CCSER1: variants seen among roughly 807,000 people sequenced by gnomAD.
CCSER1 encodes serine-rich coiled-coil domain-containing protein 1.
In CCSER1, 41 loss-of-function variants were observed where a neutral mutation model predicts 82.0. The observed-to-expected ratio is 0.50, with a 90% confidence interval of 0.39 to 0.65. The LOEUF (loss-of-function observed/expected upper bound fraction) is 0.65. Among genes scored for constraint, CCSER1 ranks in the 30% least tolerant of loss-of-function variants. The probability of loss-of-function intolerance (pLI) is 0.00; values close to 1 mark genes in which losing one functional copy is unlikely to be tolerated. For synonymous variants in CCSER1, 414 were observed against 383.9 expected (o/e 1.08, Z -0.92); for missense variants, 1,119 against 1,064.2 (o/e 1.05, Z -0.72).
At chr4:90,878,918 C>G (rs952203959) in intron 8 of CCSER1, among the ~76,000 whole-genome samples, 3 of 152,284 alleles carry the variant, frequency 2.0e-5, no homozygotes, top group African/African-American at 2.4e-5. Context: ...TACCAAACAG[C>G]TATCCACTAT....
chr4:90,594,400 T>C (rs1783066803), intron 5 of CCSER1, among the ~76,000 whole-genome samples: 1 of 152,078 alleles, frequency 6.6e-6, no homozygotes, highest in South Asian at 2.1e-4. Context: ...TGTATATAAA[T>C]ATGTAGGGAA....
chr4:91,474,363 T>C (rs1276142204), intron 10 of CCSER1, among the ~76,000 whole-genome samples: 3 of 151,954 alleles, frequency 2.0e-5, no homozygotes, highest in Non-Finnish European at 2.9e-5. Context: ...TTTCTTATAT[T>C]GTGTTACAAT....
chr4:90,220,743 C>T (rs1741997886), intron 1 of CCSER1, among the ~76,000 whole-genome samples: 1 of 152,182 alleles, frequency 6.6e-6, no homozygotes, highest in South Asian at 2.1e-4. Flanking sequence ...TCTGTAAGAA[C>T]CAGCTAGAGC....
chr4:90,263,984 GC>G (rs1413451113), intron 1 of CCSER1, among the ~76,000 whole-genome samples: 1 of 152,108 alleles, frequency 6.6e-6, no homozygotes, highest in African/African-American at 2.4e-5. Flanking sequence ...CCCTAACTTT[GC>G]CCCCACTTGG....
At chr4:90,868,812 A>G (rs1307179755) in intron 8 of CCSER1, among the ~76,000 whole-genome samples, 1 of 152,080 alleles carries the variant, frequency 6.6e-6, no homozygotes, top group Non-Finnish European at 1.5e-5. Context: ...ACTAATTTAC[A>G]TTCTCACCAA....
intron 6 of CCSER1, among the ~76,000 whole-genome samples, chr4:90,701,394 G>A (rs1351442206): frequency 6.6e-6 from 1 of 152,182 alleles, no homozygotes; most frequent in East Asian, 1.9e-4. Flanking sequence ...TAGCCTTATA[G>A]TATAGTTTGA....
intron 1 of CCSER1, among the ~76,000 whole-genome samples, chr4:90,200,190 T>C (rs1737419347): frequency 6.6e-6 from 1 of 151,968 alleles, no homozygotes. Context: ...TATTGTGTTA[T>C]CTCCTTCCCA....
intron 6 of CCSER1, among the ~76,000 whole-genome samples, chr4:90,720,963 A>G (rs541695634): frequency 6.6e-6 from 1 of 152,104 alleles, no homozygotes; most frequent in South Asian, 2.1e-4. Flanking sequence ...ATTGTCTTCT[A>G]AAAACAACAG....
At chr4:91,320,623 T>C (rs565490237) in intron 10 of CCSER1, among the ~76,000 whole-genome samples, 1 of 152,216 alleles carries the variant, frequency 6.6e-6, no homozygotes, top group South Asian at 2.1e-4. Flanking sequence ...CTGGTTTTTG[T>C]TTCTGGCTCA....
chr4:91,385,132 C>A (rs1301391177), intron 10 of CCSER1, among the ~76,000 whole-genome samples: 1 of 151,910 alleles, frequency 6.6e-6, no homozygotes, highest in Non-Finnish European at 1.5e-5. Flanking sequence ...CAAGGTTATT[C>A]ATTGAAAAAT....
chr4:90,408,725 C>T (rs1211388314), intron 4 of CCSER1, among the ~76,000 whole-genome samples: 1 of 152,200 alleles, frequency 6.6e-6, no homozygotes, highest in Non-Finnish European at 1.5e-5. Context: ...ATCAGAGCAC[C>T]TCTCCTCCTC....
At chr4:90,347,269 C>T (rs956500157) in intron 3 of CCSER1, among the ~76,000 whole-genome samples, 2 of 152,064 alleles carry the variant, frequency 1.3e-5, no homozygotes, top group African/African-American at 4.8e-5. Context: ...AGACTAAATA[C>T]TATGTATTTT....
intron 9 of CCSER1, among the ~76,000 whole-genome samples, chr4:91,020,433 C>T (rs1409351275): frequency 3.3e-5 from 5 of 152,192 alleles, no homozygotes; most frequent in Admixed American, 6.5e-5. Flanking sequence ...GAGGCCAAGG[C>T]GGGTGGATCA....
In CCSER1 at chr4:90,741,619, TCTTA is replaced by T. The variant is rs1183804144; in HGVS notation, c.2010+17633_2010+17636del. On this transcript the variant is annotated intron_variant, in intron 7 of 10. Coordinates refer to ENST00000509176, the MANE Select transcript of CCSER1 (RefSeq NM_001145065.2). ...CATGTATAGCACTTCAGTGTTTATT[TCTTA>T]CTTAGTATTATCATTTCATATAAAC... 3.9e-5 allele frequency among the ~76,000 whole-genome samples: 6 copies of T among 152,370 alleles called. No individual in the cohort carries two copies. In the East Asian group the frequency reaches 9.6e-4, roughly 24 times the overall value.
intron 1 of CCSER1, among the ~76,000 whole-genome samples, chr4:90,228,002 C>A (rs186246491): frequency 2.0e-5 from 3 of 152,196 alleles, no homozygotes; most frequent in Non-Finnish European, 4.4e-5. Flanking sequence ...ATTGCTAGCA[C>A]AGCAGTCTGA....
intron 8 of CCSER1, among the ~76,000 whole-genome samples, chr4:90,892,463 T>C (rs1201592264): frequency 6.6e-6 from 1 of 152,068 alleles, no homozygotes; most frequent in Admixed American, 6.6e-5. Context: ...GATTTATATT[T>C]ATTAGGTATA....
At chr4:91,372,568 C>T (rs1252932655) in intron 10 of CCSER1, among the ~76,000 whole-genome samples, 1 of 151,418 alleles carries the variant, frequency 6.6e-6, no homozygotes, top group Non-Finnish European at 1.5e-5. Flanking sequence ...ATTTTTAGCT[C>T]ATTAATATTT....
At chr4:91,158,175 G>A (rs548940377) in intron 10 of CCSER1, among the ~76,000 whole-genome samples, 2 of 151,950 alleles carry the variant, frequency 1.3e-5, no homozygotes, top group African/African-American at 4.8e-5. Context: ...ACAGTATTTT[G>A]CACTTTCAGA....
chr4:90,961,074 T>C (rs73834710), intron 9 of CCSER1, among the ~76,000 whole-genome samples: 1 of 152,146 alleles, frequency 6.6e-6, no homozygotes, highest in Admixed American at 6.6e-5. Flanking sequence ...TGCCCTAATG[T>C]TGACAAACTC....
Sources: gnomAD v4.1 joint callset for allele counts (sites outside exome capture counted in the v4.1 genomes callset) on GRCh38, gnomAD v4.1.1 for gene constraint, MANE v1.5 for transcripts, NCBI Gene and HGNC (gene_info 2026-07-23, HGNC 2026-07-21) for gene names.